The following JUP variants were observed in gnomAD, a reference collection of about 807,000 sequenced individuals.
JUP encodes catenin (cadherin-associated protein), gamma 80kDa.
Under a neutral mutation model 71.1 loss-of-function variants are expected in JUP, and 28 were observed. The observed-to-expected ratio is 0.39, with a 90% CI of 0.29 to 0.54. The LOEUF (loss-of-function observed/expected upper bound fraction) is 0.54. Among genes scored for constraint, JUP ranks in the 20% least tolerant of loss-of-function variants. The probability of loss-of-function intolerance (pLI) is 0.62; values close to 1 mark genes in which losing one functional copy is unlikely to be tolerated. For missense variants in JUP, 869 were observed against 1,030.1 expected, an observed-to-expected ratio of 0.84 and a Z score of 2.14; for synonymous variants, 401 against 438.9, an observed-to-expected ratio of 0.91 and a Z score of 1.08.
chr17:41,755,954 TC>T, intron 13 of JUP, 59 bp from the exon 14 acceptor site: 1 of 1,567,630 alleles, frequency 6.4e-7, no homozygotes, highest in South Asian at 1.2e-5. Context: ...CAGGGAGCAG[TC>T]TGCACAGCCT....
intron 12 of JUP, 62 bp from the exon 13 acceptor site, chr17:41,756,276 C>A: frequency 6.5e-7 from 1 of 1,534,696 alleles, no homozygotes; most frequent in Non-Finnish European, 9.0e-7. Context: ...AGCTGGATCT[C>A]AGCTGGTGGG....
At chr17:41,778,559 C>CAAAAAA (rs35336912) in intron 1 of JUP, among the ~76,000 whole-genome samples, 25 of 142,556 alleles carry the variant, frequency 1.8e-4, no homozygotes, top group Non-Finnish European at 3.5e-4. Flanking sequence ...GACCCCATCT[C>CAAAAAA]AAAAAAAAAA....
intron 9 of JUP, 72 bp from the exon 10 acceptor site, chr17:41,758,590 G>A (rs979693966): frequency 9.5e-6 from 15 of 1,582,688 alleles, no homozygotes; most frequent in South Asian, 6.8e-5. Flanking sequence ...CATGACAGCC[G>A]AATGAACTTC....
Position 41,765,035 on chromosome 17 carries a change from G to A in JUP, c.942C>T (p.Ala314=), listed in dbSNP as rs782573436. ...TGTAGTTACGCATGATCTGCACGAGGGCCTGGGGCCCACCATTGGCCAGGA... is the reference window on the plus strand; with the variant it reads ...TGTAGTTACGCATGATCTGCACGAGAGCCTGGGGCCCACCATTGGCCAGGA... ...LIILANGGPQ[A]LVQIMRNYSY... is the part of the protein sequence containing the mutation. Residue 314 remains alanine (A), a synonymous_variant, in exon 6 of 14, where the codon GCC becomes GCT. Coordinates refer to ENST00000393931, the MANE Select transcript of JUP (RefSeq NM_002230.4). 102 of 1,613,978 alleles carry A rather than the reference G, an allele frequency of 6.3e-5. No homozygotes were observed. Among genetic ancestry groups the A allele is most frequent in the Non-Finnish European group, 8.5e-5 (100 of 1,180,012 alleles).
At position 41,769,128 on chromosome 17, in the gene JUP, G is replaced by A. The variant is rs782025953; in HGVS notation, c.548C>T (p.Pro183Leu). 2 of 1,610,166 alleles carry A rather than the reference G, an allele frequency of 1.2e-6. No homozygotes were observed. The highest frequency in any genetic ancestry group is 1.7e-6 in the Non-Finnish European group (2 of 1,179,868). ...ACGCACGACAGCGGCCACCAGCTGG[G>A]GCGAGCCCATCAGGGCCCGCCGCGA... The part of the protein sequence containing the change: ...EASRRALMGS[P>L]QLVAAVVRTM... The change falls in exon 4 of 14, where the codon CCC becomes CTC. Residue 183 changes from proline to leucine, a missense_variant. By Grantham distance (98) the Pro-to-Leu change is moderately conservative (BLOSUM62 -3). Coordinates refer to ENST00000393931, the MANE Select transcript of JUP (RefSeq NM_002230.4).
chr17:41,783,444 C>T (rs1555610812), intron 1 of JUP, among the ~76,000 whole-genome samples: 1 of 151,712 alleles, frequency 6.6e-6, no homozygotes. Flanking sequence ...TGCACCACCA[C>T]GCCCGGCTAA....
rs571363075 is a variant in JUP at position 41,765,050 on chromosome 17, A to G, written c.927T>C (p.Asn309=). 1 of 1,613,524 alleles carries G rather than the reference A, an allele frequency of 6.2e-7. No individual in the cohort carries two copies. Among genetic ancestry groups the G allele is most frequent in the East Asian group, 2.2e-5 (1 of 44,868 alleles). Residue 309 remains asparagine, a synonymous_variant, in exon 6 of 14, where the codon AAT becomes AAC. Transcript: ENST00000393931. ...TCTGCACGAGGGCCTGGGGCCCACC[A>G]TTGGCCAGGATGATCAGCTATGGGT... ...NQESKLIILA[N]GGPQALVQIM...
intron 5 of JUP, among the ~76,000 whole-genome samples, chr17:41,766,203 G>T (rs145141878): frequency 3.3e-4 from 50 of 152,106 alleles, no homozygotes; most frequent in African/African-American, 1.1e-3. Flanking sequence ...AGTGAGCTAG[G>T]ATCATGCCAC....
At position 41,781,450 on chromosome 17, in the gene JUP, G is replaced by C. The variant is rs553781913; in HGVS notation, c.-9+5138C>G. Among the ~76,000 whole-genome samples, 15 of 152,346 alleles carry C rather than the reference G, an allele frequency of 9.8e-5. No homozygotes were observed. In the East Asian group the frequency reaches 2.5e-3, roughly 25 times the overall value. ...CCAAGATGCCAGGAGGCTGAGCAAA[G>C]GAGAGTGGTCCATGAGCTTGCCCTT... On this transcript the variant is annotated intron_variant, in intron 1 of 13. Coordinates refer to ENST00000393931, the MANE Select transcript of JUP (RefSeq NM_002230.4).
chr17:41,761,930 A>G (rs782546979), intron 8 of JUP, among the ~76,000 whole-genome samples: 3 of 151,012 alleles, frequency 2.0e-5, no homozygotes, highest in Non-Finnish European at 4.4e-5. Flanking sequence ...TTATCCAGAC[A>G]TGGTGGCGTG....
At chr17:41,772,623 G>A (rs1555607465) in intron 1 of JUP, among the ~76,000 whole-genome samples, 2 of 152,162 alleles carry the variant, frequency 1.3e-5, no homozygotes, top group Non-Finnish European at 2.9e-5. Context: ...TCCCTCAGAG[G>A]TGGTTGCGAG....
In JUP at chr17:41,755,148, G is replaced by T; in HGVS notation, c.*596C>A. 2.5e-6 allele frequency: 1 copy of T among 398,006 alleles called. No homozygotes were observed. Among genetic ancestry groups the T allele is most frequent in the Non-Finnish European group, 4.4e-6 (1 of 226,130 alleles). The allele number at this position is 398,006 out of a possible 1,614,324, so 24.7% of individuals were successfully genotyped here. Reference sequence around the variant, plus strand: ...TCCGGGCCCAGGCAGCTGGAGACAGGGAGGCTGGAGGTTTGGAGGGGCGTT... The same window carrying T: ...TCCGGGCCCAGGCAGCTGGAGACAGTGAGGCTGGAGGTTTGGAGGGGCGTT... On this transcript the variant is annotated 3_prime_UTR_variant, in exon 14 of 14. Coordinates refer to ENST00000393931, the MANE Select transcript of JUP (RefSeq NM_002230.4).
At position 41,758,476 on chromosome 17, in the gene JUP, C is replaced by T. The variant is rs727504695; in HGVS notation, c.1696G>A (p.Ala566Thr). The T allele has an allele frequency of 3.1e-6, 5 of 1,613,972 alleles. No individual in the cohort carries two copies. The highest frequency in any genetic ancestry group is 1.3e-5 in the African/African-American group (1 of 74,922). ...GGGTCCCGGGCGAGGATGTGCAGTG[C>T]TCCGGTGCAGCCCTCCACAATCTCC... ...MEEIVEGCTG[A>T]LHILARDPMN... The change falls in exon 10 of 14, where the codon GCA becomes ACA. Residue 566 changes from alanine to threonine, a missense_variant. Physicochemically the swap from Ala to Thr is moderately conservative, Grantham distance 58. Coordinates refer to ENST00000393931, the MANE Select transcript of JUP (RefSeq NM_002230.4).
At chr17:41,772,947 G>A (rs1401301273) in intron 1 of JUP, 39 of 985,424 alleles carry the variant, frequency 4.0e-5, no homozygotes, top group East Asian at 1.1e-4. Flanking sequence ...AATGGACGCC[G>A]TGATCCCATG....
Position 41,756,255 on chromosome 17 carries a change from T to C in JUP, c.2047-41A>G, listed in dbSNP as rs782218277. 10 of 1,599,752 alleles carry C rather than the reference T, an allele frequency of 6.3e-6. No individual in the cohort carries two copies. In the South Asian group the frequency reaches 6.6e-5, roughly 11 times the overall value. ...GAAACATGGAGGGGAGGTTTGAAAA[T>C]GCAGGCTCCGAGCTGGATCTCAGCT... On this transcript the variant is annotated intron_variant, in intron 12 of 13. Coordinates refer to ENST00000393931, the MANE Select transcript of JUP (RefSeq NM_002230.4).
In JUP at chr17:41,763,011, T is replaced by G. The variant is rs1597801342; in HGVS notation, c.1469A>C (p.Asn490Thr). ...YGIPAIVKLL[N>T]QPNQWPLVKA... ...GACCAGTGGCCACTGGTTGGGCTGG[T>G]TGAGCAGCTTCACGATGGCTGGGAT... Residue 490 changes from asparagine (N) to threonine (T), a missense_variant, in exon 8 of 14, where the codon AAC (asparagine) becomes ACC (threonine). Coordinates refer to ENST00000393931, the MANE Select transcript of JUP (RefSeq NM_002230.4). The G allele has an allele frequency of 6.2e-7, 1 of 1,613,968 alleles. No individual in the cohort carries two copies. Among genetic ancestry groups the G allele is most frequent in the Admixed American group, 1.7e-5 (1 of 59,994 alleles).
Position 41,755,436 on chromosome 17 carries a change from T to C in JUP, c.*308A>G. ...CCTCTCAGATGAGGAACCGCACCTG[T>C]TAGGGGAGCGGGGACAGACAGGGGT... On this transcript the variant is annotated 3_prime_UTR_variant, in exon 14 of 14. Coordinates refer to ENST00000393931, the MANE Select transcript of JUP (RefSeq NM_002230.4). 1 of 418,264 alleles carries C rather than the reference T, an allele frequency of 2.4e-6. No homozygotes were observed. The highest frequency in any genetic ancestry group is 6.0e-4 in the Middle Eastern group (1 of 1,654). 25.9% of individuals were successfully genotyped at this position (418,264 alleles called of 1,614,324 possible).
At chr17:41,777,877 G>GGCTCCAGCTGGA (rs2046960482) in intron 1 of JUP, among the ~76,000 whole-genome samples, 1 of 152,202 alleles carries the variant, frequency 6.6e-6, no homozygotes. Flanking sequence ...CCCTGGAGAG[G>GGCTCCAGCTGGA]GCTCCAGCTG....
intron 1 of JUP, chr17:41,772,126 G>T: frequency 1.8e-6 from 1 of 558,392 alleles, no homozygotes; most frequent in Non-Finnish European, 3.3e-6. Flanking sequence ...TGACCTCCCA[G>T]GGGGATGAGC....
Sources: gnomAD v4.1 joint callset for allele counts (sites outside exome capture counted in the v4.1 genomes callset) on GRCh38, gnomAD v4.1.1 for gene constraint, MANE v1.5 for transcripts, NCBI Gene and HGNC (gene_info 2026-07-23, HGNC 2026-07-21) for gene names.